THSD7A: variants seen among roughly 807,000 people sequenced by gnomAD.
THSD7A encodes the protein thrombospondin type 1 domain containing 7A, also known as thrombospondin type-1 domain-containing protein 7A.
A neutral mutation model predicts 231.3 loss-of-function variants in THSD7A; 96 were observed. The ratio of observed to expected loss-of-function variants is 0.41; its 90% CI spans 0.35 to 0.49. The LOEUF is 0.49. THSD7A is among the 20% of genes least tolerant of loss of function. The pLI, the probability that THSD7A is intolerant of heterozygous loss-of-function variation, is 0.05. For synonymous variants in THSD7A, 940 were observed against 743.3 expected (o/e 1.26, Z -4.30); for missense variants, 2,290 against 2,070.2 (o/e 1.11, Z -2.06).
At chr7:11,778,169 A>AAAAAAAAAAG (rs1562548875) in intron 1 of THSD7A, among the ~76,000 whole-genome samples, 17 of 147,680 alleles carry the variant, frequency 1.2e-4, no homozygotes, top group Non-Finnish European at 2.1e-4. Flanking sequence ...AAAAAAAAAA[A>AAAAAAAAAAG]AAAAAAAAAG....
intron 1 of THSD7A, among the ~76,000 whole-genome samples, chr7:11,771,269 C>T (rs533171617): frequency 3.3e-5 from 5 of 151,570 alleles, no homozygotes; most frequent in East Asian, 2.0e-4. Flanking sequence ...CATGTAGGCA[C>T]ATCTAATAAT....
At chr7:11,398,604 G>A (rs999837054) in intron 23 of THSD7A, among the ~76,000 whole-genome samples, 3 of 152,080 alleles carry the variant, frequency 2.0e-5, no homozygotes, top group Non-Finnish European at 4.4e-5. Context: ...TAAAAAAAAA[G>A]ATTTCACGTA....
At chr7:11,687,772 C>A (rs1375770563) in intron 1 of THSD7A, among the ~76,000 whole-genome samples, 1 of 151,876 alleles carries the variant, frequency 6.6e-6, no homozygotes, top group African/African-American at 2.4e-5. Context: ...TCACTGATTA[C>A]ACACAGTGGC....
chr7:11,397,639 A>T (rs1396244414), intron 23 of THSD7A, among the ~76,000 whole-genome samples: 1 of 152,204 alleles, frequency 6.6e-6, no homozygotes, highest in Non-Finnish European at 1.5e-5. Context: ...TTGGGAGAAA[A>T]ATTTTGCAAT....
intron 9 of THSD7A, 42 bp from the exon 10 acceptor site, chr7:11,462,185 T>C (rs772115028): frequency 6.2e-7 from 1 of 1,604,436 alleles, no homozygotes; most frequent in South Asian, 1.1e-5. Flanking sequence ...TTTACACTGA[T>C]GAGATAATCT....
rs182988483 is a variant in THSD7A at position 11,681,158 on chromosome 7, A to T, written c.191-44197T>A. 3.4e-4 allele frequency among the ~76,000 whole-genome samples: 52 copies of T among 152,170 alleles called. 1 individual carries two copies. The East Asian group carries it at 8.2e-3, about 24-fold the overall frequency. ...TAAGTGGGAGTTGAACAATGAGAAC[A>T]TATGGGCACTGGGAGGGGAACATCA... is the stretch of plus-strand genomic sequence containing the variant. On this transcript the variant is annotated intron_variant, in intron 1 of 27. Coordinates refer to ENST00000423059, the MANE Select transcript of THSD7A (RefSeq NM_015204.3).
chr7:11,497,142 G>T, intron 6 of THSD7A, among the ~76,000 whole-genome samples: 2 of 152,158 alleles, frequency 1.3e-5, no homozygotes, highest in East Asian at 3.8e-4. Flanking sequence ...GGAAGCAGAA[G>T]AATGAGAGCT....
chr7:11,510,620 A>T (rs1169004829), intron 6 of THSD7A, among the ~76,000 whole-genome samples: 2 of 152,242 alleles, frequency 1.3e-5, no homozygotes. Flanking sequence ...CTGGTTCAAC[A>T]TACACGAATC....
chr7:11,712,523 C>T (rs1400497782), intron 1 of THSD7A, among the ~76,000 whole-genome samples: 1 of 151,000 alleles, frequency 6.6e-6, no homozygotes, highest in African/African-American at 2.4e-5. Context: ...CTGTCACTAA[C>T]CTTGGCACTA....
At chr7:11,756,184 A>G (rs1324641726) in intron 1 of THSD7A, among the ~76,000 whole-genome samples, 1 of 152,090 alleles carries the variant, frequency 6.6e-6, no homozygotes, top group East Asian at 1.9e-4. Flanking sequence ...TTATGTTACT[A>G]AAAGCCTGGA....
At chr7:11,682,631 A>G (rs534477796) in intron 1 of THSD7A, among the ~76,000 whole-genome samples, 1 of 152,234 alleles carries the variant, frequency 6.6e-6, no homozygotes, top group Admixed American at 6.5e-5. Context: ...ACCTAAGAAT[A>G]GACATAGACA....
rs187082869 is a variant in THSD7A, at chr7:11,627,527, T to C, written c.1022+8603A>G. 8.0e-4 allele frequency among the ~76,000 whole-genome samples: 121 copies of C among 152,154 alleles called. 1 individual carries two copies. The highest frequency in any genetic ancestry group is 2.1e-3 in the Admixed American group (32 of 15,280). On this transcript the variant is annotated intron_variant, in intron 2 of 27. Coordinates refer to ENST00000423059, the MANE Select transcript of THSD7A (RefSeq NM_015204.3). ...ATGAAATCTTGGACCTGACATAATATAAATGCAAAGTACTTTTTTAAGGAA... is the reference window on the plus strand; with the variant it reads ...ATGAAATCTTGGACCTGACATAATACAAATGCAAAGTACTTTTTTAAGGAA...
chr7:11,475,510 G>A (rs1340134091), intron 7 of THSD7A, among the ~76,000 whole-genome samples: 1 of 151,298 alleles, frequency 6.6e-6, no homozygotes, highest in Non-Finnish European at 1.5e-5. Context: ...AATAGTGGGA[G>A]AATGGGGAAG....
At chr7:11,702,209 C>A (rs564724568) in intron 1 of THSD7A, among the ~76,000 whole-genome samples, 11 of 151,326 alleles carry the variant, frequency 7.3e-5, no homozygotes, top group Admixed American at 1.3e-4. Flanking sequence ...AAACCAGAGT[C>A]TGGTATGATG....
intron 1 of THSD7A, among the ~76,000 whole-genome samples, chr7:11,685,253 C>G (rs1298830255): frequency 6.6e-6 from 1 of 151,684 alleles, no homozygotes; most frequent in African/African-American, 2.4e-5. Flanking sequence ...AAATGTAAGA[C>G]CTCAAACTAT....
At chr7:11,440,192 G>C (rs1784759352) in intron 13 of THSD7A, among the ~76,000 whole-genome samples, 1 of 151,906 alleles carries the variant, frequency 6.6e-6, no homozygotes, top group Non-Finnish European at 1.5e-5. Flanking sequence ...ATGGTTTACT[G>C]AATATTTTAA....
chr7:11,496,737 G>A (rs1165935652), intron 6 of THSD7A, among the ~76,000 whole-genome samples: 2 of 152,088 alleles, frequency 1.3e-5, no homozygotes, highest in African/African-American at 4.8e-5. Flanking sequence ...CTATACAGAT[G>A]AAATATAAAA....
intron 6 of THSD7A, among the ~76,000 whole-genome samples, chr7:11,525,279 C>G (rs1788424646): frequency 6.8e-6 from 1 of 147,964 alleles, no homozygotes. Context: ...TTAAATTCAC[C>G]CTGCCAAGAA....
intron 1 of THSD7A, among the ~76,000 whole-genome samples, chr7:11,688,981 T>G (rs62433366): frequency 6.6e-6 from 1 of 151,866 alleles, no homozygotes; most frequent in Non-Finnish European, 1.5e-5. Flanking sequence ...AAAAAAAGTT[T>G]CTGTTTCTCT....
Sources: gnomAD v4.1 joint callset for allele counts (sites outside exome capture counted in the v4.1 genomes callset) on GRCh38, gnomAD v4.1.1 for gene constraint, MANE v1.5 for transcripts, NCBI Gene and HGNC (gene_info 2026-07-23, HGNC 2026-07-21) for gene names.